MDFIC: variants seen among roughly 807,000 people sequenced by gnomAD.
MDFIC encodes myoD family inhibitor domain-containing protein.
In MDFIC, 17 loss-of-function variants were observed where a neutral mutation model predicts 23.2. The ratio of observed to expected loss-of-function variants is 0.73; its 90% confidence interval spans 0.50 to 1.10. The LOEUF is 1.10. Ranked by LOEUF, MDFIC falls within the 50% of genes least tolerant of loss-of-function variation. The probability of loss-of-function intolerance (pLI) is 0.00; values close to 1 mark genes in which losing one functional copy is unlikely to be tolerated. For missense variants in MDFIC, 356 were observed against 316.6 expected, an observed-to-expected ratio of 1.12 and a Z score of -0.95; for synonymous variants, 120 against 115.2, an observed-to-expected ratio of 1.04 and a Z score of -0.27.
At chr7:114,959,207 G>C (rs1167450872) in intron 3 of MDFIC, among the ~76,000 whole-genome samples, 1 of 152,112 alleles carries the variant, frequency 6.6e-6, no homozygotes, top group African/African-American at 2.4e-5. Context: ...TACAGCTCTG[G>C]TATGACTGAG....
At chr7:114,995,547 TAGTTTTCCTTCTAAC>T (rs1265951595) in intron 4 of MDFIC, among the ~76,000 whole-genome samples, 4 of 152,206 alleles carry the variant, frequency 2.6e-5, no homozygotes, top group Non-Finnish European at 5.9e-5. Context: ...TTCTTTTTGG[TAGTTTTCCTTCTAAC>T]AGTCAGGACC....
At chr7:114,923,726 T>C in intron 2 of MDFIC, 8 of 1,201,928 alleles carry the variant, frequency 6.7e-6, no homozygotes, top group Middle Eastern at 4.4e-4. Context: ...TATAAAATAC[T>C]CTTGTGTCTG....
In MDFIC at chr7:114,984,989, A is replaced by AG. The variant is rs542389038; in HGVS notation, c.493+5209dup. ...ATAAATGCTGAACAAGACAGTGAAG[A>AG]GCGTTATGTAGATGGAAGTAACTAC... On this transcript the variant is annotated intron_variant, in intron 4 of 4. Coordinates refer to ENST00000393486, the MANE Select transcript of MDFIC (RefSeq NM_001166345.3). 1.7e-4 allele frequency among the ~76,000 whole-genome samples: 26 copies of AG among 152,302 alleles called. 1 individual carries two copies. The South Asian group carries it at 5.4e-3, about 32-fold the overall frequency.
intron 2 of MDFIC, among the ~76,000 whole-genome samples, chr7:114,941,073 A>G (rs1262200320): frequency 6.6e-6 from 1 of 152,204 alleles, no homozygotes; most frequent in Non-Finnish European, 1.5e-5. Flanking sequence ...CTCAGTTGAA[A>G]TAGAATCTTT....
chr7:114,942,281 G>A lies in MDFIC; in HGVS notation c.101G>A (p.Cys34Tyr), dbSNP rs780939264. The change falls in exon 3 of 5, where the codon TGT (cysteine) becomes TAT (tyrosine). Residue 34 changes from cysteine to tyrosine, a missense_variant. Transcript: ENST00000393486. ...TGTATCTTTTTTAATTCAGGAAAAT[G>A]TGATAAAGACAATACTGAGAAAGAT... ...GQLGSTAQGK[C>Y]DKDNTEKDIT... 7 of 1,502,890 alleles carry A rather than the reference G, an allele frequency of 4.7e-6. No individual in the cohort carries two copies. Among genetic ancestry groups the A allele is most frequent in the Middle Eastern group, 1.8e-4 (1 of 5,690 alleles). 93.1% of individuals were successfully genotyped at this position (1,502,890 alleles called of 1,614,324 possible). A position where few individuals can be genotyped will look rare whatever the true frequency, so the allele number is the denominator to read the frequency against.
intron 3 of MDFIC, among the ~76,000 whole-genome samples, chr7:114,946,950 A>T (rs1037775798): frequency 6.6e-6 from 1 of 152,184 alleles, no homozygotes; most frequent in African/African-American, 2.4e-5. Flanking sequence ...TTTATGTAAA[A>T]TACTGAAAGA....
chr7:114,992,645 T>C (rs1438138883), intron 4 of MDFIC, among the ~76,000 whole-genome samples: 1 of 152,190 alleles, frequency 6.6e-6, no homozygotes, highest in Admixed American at 6.5e-5. Flanking sequence ...ATATGCTGGA[T>C]TATGTTTATT....
intron 2 of MDFIC, among the ~76,000 whole-genome samples, chr7:114,924,407 C>G (rs1461091318): frequency 2.6e-5 from 4 of 152,146 alleles, no homozygotes; most frequent in African/African-American, 9.7e-5. Context: ...CATCAAACAC[C>G]CAAGGAAAAT....
intron 2 of MDFIC, among the ~76,000 whole-genome samples, chr7:114,931,528 A>G (rs1471214679): frequency 2.6e-5 from 4 of 152,236 alleles, no homozygotes; most frequent in Non-Finnish European, 4.4e-5. Flanking sequence ...TTAAGAATGT[A>G]TAGTTTTGCC....
At chr7:114,923,629 G>A (rs1792135470) in intron 2 of MDFIC, 7 of 1,446,176 alleles carry the variant, frequency 4.8e-6, no homozygotes, top group Non-Finnish European at 6.3e-6. Context: ...GGTTTGTTTT[G>A]AAATAAATAA....
chr7:114,968,102 C>T (rs1156816695), intron 3 of MDFIC, among the ~76,000 whole-genome samples: 1 of 152,140 alleles, frequency 6.6e-6, no homozygotes, highest in African/African-American at 2.4e-5. Flanking sequence ...CAGGCATGAG[C>T]CACTGTGCCC....
At chr7:114,942,196 T>C in intron 2 of MDFIC, 79 bp from the exon 3 acceptor site, 1 of 900,942 alleles carries the variant, frequency 1.1e-6, no homozygotes, top group African/African-American at 1.7e-5. Context: ...CTTGGAAGCA[T>C]TTAGAAAAAT....
Position 114,922,606 on chromosome 7 carries a change from G to A in MDFIC, c.-138G>A, listed in dbSNP as rs1260654453. The A allele has an allele frequency of 7.9e-7, 1 of 1,268,888 alleles. No homozygotes were observed. The highest frequency in any genetic ancestry group is 1.0e-6 in the Non-Finnish European group (1 of 999,668). The allele number at this position is 1,268,888 out of a possible 1,614,324, so 78.6% of individuals were successfully genotyped here. ...GAAGAGGAGGAGGAGGAGGAGGAAG[G>A]GGCTTGGAGCGACTACGGGGGGATG... is the stretch of plus-strand genomic sequence containing the variant. On this transcript the variant is annotated 5_prime_UTR_variant, in exon 1 of 5. Coordinates refer to ENST00000393486, the MANE Select transcript of MDFIC (RefSeq NM_001166345.3).
At chr7:114,944,052 T>C (rs946939641) in intron 3 of MDFIC, among the ~76,000 whole-genome samples, 1 of 152,206 alleles carries the variant, frequency 6.6e-6, no homozygotes, top group African/African-American at 2.4e-5. Flanking sequence ...TTAAAAAGAA[T>C]GAATTAAAAT....
At position 114,922,334 on chromosome 7, in the gene MDFIC, A is replaced by C; in HGVS notation, c.-410A>C. ...AGTGTTTCAGGATTGTAGGAGTGGA[A>C]GAGGGGAAAGAGAGGCAGAGAGGGG... On this transcript the variant is annotated 5_prime_UTR_variant, in exon 1 of 5. Coordinates refer to ENST00000393486, the MANE Select transcript of MDFIC (RefSeq NM_001166345.3). 1 of 1,066,016 alleles carries C rather than the reference A, an allele frequency of 9.4e-7. No individual in the cohort carries two copies. The highest frequency in any genetic ancestry group is 1.2e-6 in the Non-Finnish European group (1 of 836,656). 66.0% of individuals were successfully genotyped at this position (1,066,016 alleles called of 1,614,324 possible).
At chr7:115,000,580 T>C (rs949349398) in intron 4 of MDFIC, among the ~76,000 whole-genome samples, 4 of 152,210 alleles carry the variant, frequency 2.6e-5, no homozygotes, top group African/African-American at 7.2e-5. Context: ...CATTTCTGTA[T>C]GTAATTTTCA....
At chr7:114,977,875 A>T (rs6945872) in intron 3 of MDFIC, among the ~76,000 whole-genome samples, 3,506 of 148,048 alleles carry the variant, frequency 0.024, 128 homozygotes, top group African/African-American at 0.082. Context: ...AAATATTAAC[A>T]TTTATATAAT....
intron 3 of MDFIC, among the ~76,000 whole-genome samples, chr7:114,959,482 A>T (rs1792945363): frequency 6.6e-6 from 1 of 152,214 alleles, no homozygotes; most frequent in Non-Finnish European, 1.5e-5. Flanking sequence ...CAGGCTCATT[A>T]TCATGTGCAT....
chr7:115,008,873 G>A (rs1033833733), intron 4 of MDFIC, among the ~76,000 whole-genome samples: 4 of 152,206 alleles, frequency 2.6e-5, no homozygotes, highest in Non-Finnish European at 5.9e-5. Flanking sequence ...TCTAGGAAGA[G>A]GAAAGCCTTC....
Sources: allele counts gnomAD v4.1 joint callset (sites outside exome capture counted in the v4.1 genomes callset), GRCh38; gene constraint gnomAD v4.1.1; transcripts MANE v1.5; gene names NCBI Gene and HGNC (gene_info 2026-07-23, HGNC 2026-07-21).